IL1RAPL1: variants seen among roughly 807,000 people sequenced by gnomAD.
IL1RAPL1 encodes the protein interleukin 1 receptor accessory protein like 1.
Under a neutral mutation model 48.4 loss-of-function variants are expected in IL1RAPL1, and 3 were observed. That is an observed-to-expected ratio of 0.06 (90% CI 0.03 to 0.16). IL1RAPL1 has a LOEUF of 0.16. Ranked by LOEUF, IL1RAPL1 falls within the 10% of genes least tolerant of loss-of-function variation. The pLI, the probability that IL1RAPL1 is intolerant of heterozygous loss-of-function variation, is 1.00. For missense variants in IL1RAPL1, 349 were observed against 530.6 expected (o/e 0.66, Z 3.36); for synonymous variants, 185 against 187.7 (o/e 0.99, Z 0.12).
In IL1RAPL1 at chrX:29,712,261, G is replaced by A. The variant is rs1323558201; in HGVS notation, c.778+43757G>A. On this transcript the variant is annotated intron_variant, in intron 6 of 10. Coordinates refer to ENST00000378993, the MANE Select transcript of IL1RAPL1 (RefSeq NM_014271.4). ...ATGAATATACTATCTGACGACTAAG[G>A]TGATATCAGAAAATTTTCACTCAAA... 2.7e-5 allele frequency among the ~76,000 whole-genome samples: 3 copies of A among 109,380 alleles called. No homozygotes were observed. In the East Asian group the frequency reaches 8.4e-4, roughly 31 times the overall value. 95.0% of individuals were successfully genotyped at this position (109,380 alleles called of 115,157 possible). A position where few individuals can be genotyped will look rare whatever the true frequency, so the allele number is the denominator to read the frequency against.
intron 6 of IL1RAPL1, among the ~76,000 whole-genome samples, chrX:29,803,067 G>A (rs780873541): frequency 8.1e-4 from 44 of 54,294 alleles, no homozygotes; most frequent in African/African-American, 2.2e-3. Flanking sequence ...ATATATGTAT[G>A]CATGTATACA....
intron 6 of IL1RAPL1, among the ~76,000 whole-genome samples, chrX:29,803,137 A>G (rs1238487430): frequency 3.2e-5 from 3 of 92,647 alleles, no homozygotes; most frequent in African/African-American, 1.2e-4. Flanking sequence ...ATGTATGCAT[A>G]TATGTATATA....
rs376337755 is a variant in IL1RAPL1, at chrX:28,961,455, G to T, written c.82+172030G>T. On this transcript the variant is annotated intron_variant, in intron 2 of 10. Coordinates refer to ENST00000378993, the MANE Select transcript of IL1RAPL1 (RefSeq NM_014271.4). ...TATCAACCCATCATCTAGGTTTTAA[G>T]CCCCGCATGCATTAGGTATTTGTCC... Among the ~76,000 whole-genome samples, 59 of 110,901 alleles carry T rather than the reference G, an allele frequency of 5.3e-4. No homozygotes were observed. In the South Asian group the frequency reaches 0.018, roughly 34 times the overall value.
intron 1 of IL1RAPL1, among the ~76,000 whole-genome samples, chrX:28,623,656 A>G (rs778596669): frequency 8.9e-6 from 1 of 112,203 alleles, no homozygotes; most frequent in Non-Finnish European, 1.9e-5. Context: ...TCTTTCCTTC[A>G]TAAGTTTTAT....
intron 3 of IL1RAPL1, among the ~76,000 whole-genome samples, chrX:29,331,951 A>G (rs1932888211): frequency 9.0e-6 from 1 of 110,843 alleles, no homozygotes. Context: ...CACATATGTA[A>G]AGAAATTAAC....
chrX:29,369,746 G>A (rs1933518193), intron 3 of IL1RAPL1: 1 of 112,085 alleles, frequency 8.9e-6, no homozygotes, highest in South Asian at 3.7e-4. Context: ...TCAGGAGAAG[G>A]TGGACAATGA....
chrX:29,536,905 A>G (rs1921251319), intron 5 of IL1RAPL1, among the ~76,000 whole-genome samples: 1 of 110,504 alleles, frequency 9.0e-6, no homozygotes, highest in Non-Finnish European at 1.9e-5. Flanking sequence ...ATTGCTTCAT[A>G]CAATTTTATT....
chrX:29,688,728 T>TTCTCTC (rs71811113), intron 6 of IL1RAPL1, among the ~76,000 whole-genome samples: 1 of 74,785 alleles, frequency 1.3e-5, no homozygotes, highest in Non-Finnish European at 2.7e-5. Context: ...TCAGGGTTGC[T>TTCTCTC]TCTCTCTCTC....
At chrX:28,613,000 A>C (rs1027696098) in intron 1 of IL1RAPL1, among the ~76,000 whole-genome samples, 1 of 111,579 alleles carries the variant, frequency 9.0e-6, no homozygotes, top group Non-Finnish European at 1.9e-5. Context: ...ATCAGTTTGG[A>C]AGATTAGGGA....
At chrX:28,888,680 C>T (rs1035670767) in intron 2 of IL1RAPL1, among the ~76,000 whole-genome samples, 9 of 111,057 alleles carry the variant, frequency 8.1e-5, no homozygotes, top group African/African-American at 2.9e-4. Context: ...AAAAAAAGTC[C>T]TTTTAAAACA....
In IL1RAPL1 at chrX:28,789,408, T is replaced by G; in HGVS notation, c.65T>G (p.Val22Gly). The change falls in exon 2 of 11, where the codon GTG becomes GGG. Residue 22 changes from valine to glycine, a missense_variant. Transcript: ENST00000378993. ...YATFTQSLKV[V>G]TKRGSADGCT... ...ACTTTTACTCAGAGTTTGAAGGTTGTGACCAAAAGAGGCTCCGGTAAGCAG... is the reference window on the plus strand; with the variant it reads ...ACTTTTACTCAGAGTTTGAAGGTTGGGACCAAAAGAGGCTCCGGTAAGCAG... The G allele has an allele frequency of 8.3e-7, 1 of 1,204,828 alleles. No homozygotes were observed.
At chrX:28,603,393 A>G (rs1359717878) in intron 1 of IL1RAPL1, among the ~76,000 whole-genome samples, 1 of 111,958 alleles carries the variant, frequency 8.9e-6, no homozygotes, top group Non-Finnish European at 1.9e-5. Context: ...TTGAATCCCA[A>G]ATGCTCACGT....
chrX:29,291,264 A>G (rs1326181085), intron 3 of IL1RAPL1, among the ~76,000 whole-genome samples: 1 of 111,458 alleles, frequency 9.0e-6, no homozygotes, highest in East Asian at 2.8e-4. Flanking sequence ...AACATAGCTA[A>G]ACCAAATATC....
chrX:28,811,546 G>T (rs1469725336), intron 2 of IL1RAPL1, among the ~76,000 whole-genome samples: 2 of 110,874 alleles, frequency 1.8e-5, no homozygotes, highest in Admixed American at 9.6e-5. Context: ...GACCCACATG[G>T]TCAGATAAAG....
intron 2 of IL1RAPL1, among the ~76,000 whole-genome samples, chrX:28,848,496 C>T (rs5985805): frequency 0.16 from 17,746 of 108,936 alleles, 2,797 homozygotes; most frequent in African/African-American, 0.48. Flanking sequence ...ATCAACAACT[C>T]CTTTGTTTTT....
chrX:29,400,155 G>A (rs1225295487), intron 5 of IL1RAPL1, among the ~76,000 whole-genome samples: 1 of 111,810 alleles, frequency 8.9e-6, no homozygotes, highest in African/African-American at 3.3e-5. Flanking sequence ...TAAGGTGGAA[G>A]GACATGAGGA....
At chrX:29,857,455 G>A (rs762928508) in intron 6 of IL1RAPL1, among the ~76,000 whole-genome samples, 6 of 111,651 alleles carry the variant, frequency 5.4e-5, no homozygotes, top group Non-Finnish European at 1.1e-4. Flanking sequence ...TTGTCTTCAA[G>A]TCACTGCTAA....
chrX:28,806,710 A>G (rs1936736199), intron 2 of IL1RAPL1, among the ~76,000 whole-genome samples: 1 of 111,646 alleles, frequency 9.0e-6, no homozygotes, highest in South Asian at 3.7e-4. Flanking sequence ...ATGAACAGTG[A>G]TGACTTACTG....
intron 2 of IL1RAPL1, among the ~76,000 whole-genome samples, chrX:29,105,669 C>G (rs1464477930): frequency 8.9e-6 from 1 of 112,103 alleles, no homozygotes; most frequent in Non-Finnish European, 1.9e-5. Flanking sequence ...CCATCTCAAT[C>G]TCATTCACCA....
Sources: allele counts gnomAD v4.1 joint callset (sites outside exome capture counted in the v4.1 genomes callset), GRCh38; gene constraint gnomAD v4.1.1; transcripts MANE v1.5; gene names NCBI Gene and HGNC (gene_info 2026-07-23, HGNC 2026-07-21).